TRIM5: variants seen among roughly 807,000 people sequenced by gnomAD.
TRIM5 encodes tripartite motif containing 5, also known as tripartite motif-containing protein 5.
A neutral mutation model predicts 35.6 loss-of-function variants in TRIM5; 31 were observed. That is an observed-to-expected ratio of 0.87 (90% CI 0.65 to 1.18). The LOEUF is 1.18. Among genes scored for constraint, TRIM5 ranks in the 50% most tolerant of loss-of-function variants. TRIM5 has a pLI of 0.00. For synonymous variants in TRIM5, 243 were observed against 215.6 expected (o/e 1.13, Z -1.11); for missense variants, 609 against 591.6 (o/e 1.03, Z -0.31).
intron 6 of TRIM5, 148 bp downstream of exon 6, chr11:5,665,832 TC>T: frequency 7.5e-7 from 1 of 1,331,752 alleles, no homozygotes. Flanking sequence ...CCTAGCCATT[TC>T]CCATTAAATA....
At chr11:5,659,039 A>T (rs921980615), downstream of TRIM5, among the ~76,000 whole-genome samples, 2 of 152,148 alleles carry the variant, frequency 1.3e-5, no homozygotes, top group Non-Finnish European at 2.9e-5. Context: ...TATTAGGAGA[A>T]ATACCTAATG....
At chr11:5,637,140 T>C in the TRIM5 span, among the ~76,000 whole-genome samples, 6 of 150,728 alleles carry the variant, frequency 4.0e-5, no homozygotes, top group Admixed American at 1.3e-4. Context: ...GCCACTGCAC[T>C]CCAGCCTGGG....
At chr11:5,660,431 TATTCTG>T (rs1850774381), downstream of TRIM5, among the ~76,000 whole-genome samples, 1 of 152,196 alleles carries the variant, frequency 6.6e-6, no homozygotes, top group South Asian at 2.1e-4. Context: ...TTACCCTGAA[TATTCTG>T]ATTGCTTGTC....
the TRIM5 span, among the ~76,000 whole-genome samples, chr11:5,631,846 T>C: frequency 6.6e-6 from 1 of 152,158 alleles, no homozygotes; most frequent in Non-Finnish European, 1.5e-5. Context: ...GTGCCTAATC[T>C]ACATGTAGAT....
At chr11:5,642,456 A>C in the TRIM5 span, 1 of 1,613,980 alleles carries the variant, frequency 6.2e-7, no homozygotes, top group South Asian at 1.1e-5. Context: ...AAGAAACTGA[A>C]GACTGTATTC....
the TRIM5 span, among the ~76,000 whole-genome samples, chr11:5,594,333 A>T: frequency 1.8e-4 from 27 of 152,198 alleles, no homozygotes; most frequent in South Asian, 5.2e-3. Flanking sequence ...TTTGAGACTG[A>T]TTATCACTGT....
chr11:5,665,900 G>T, intron 6 of TRIM5, 81 bp downstream of exon 6: 1 of 1,411,790 alleles, frequency 7.1e-7, no homozygotes, highest in Non-Finnish European at 9.7e-7. Flanking sequence ...ATCCATATTT[G>T]GAAACTGCAC....
At chr11:5,679,271 T>C (rs1203467991) in intron 2 of TRIM5, 102 bp from the exon 3 acceptor site, 4 of 1,044,018 alleles carry the variant, frequency 3.8e-6, no homozygotes, top group Non-Finnish European at 5.7e-6. Context: ...AAGAAACAAA[T>C]TTGCAGAAAC....
chr11:5,656,293 T>TA, the TRIM5 span, among the ~76,000 whole-genome samples: 1 of 150,326 alleles, frequency 6.7e-6, no homozygotes, highest in Admixed American at 6.6e-5. Context: ...ACAAAAAACT[T>TA]AAACAAATTT....
chr11:5,623,372 T>C, the TRIM5 span, among the ~76,000 whole-genome samples: 1 of 151,928 alleles, frequency 6.6e-6, no homozygotes, highest in Non-Finnish European at 1.5e-5. Flanking sequence ...TTTATTTTTA[T>C]TTTTTTATTT....
chr11:5,623,371 A>AT, the TRIM5 span, among the ~76,000 whole-genome samples: 1 of 151,520 alleles, frequency 6.6e-6, no homozygotes, highest in South Asian at 2.1e-4. Flanking sequence ...GTTTATTTTT[A>AT]TTTTTTTATT....
chr11:5,680,214 T>TGA lies in TRIM5; in HGVS notation c.-39_-38dup. The TGA allele has an allele frequency of 6.5e-7, 1 of 1,542,434 alleles. No individual in the cohort carries two copies. The highest frequency in any genetic ancestry group is 1.3e-5 in the South Asian group (1 of 79,316). On this transcript the variant is annotated 5_prime_UTR_variant, in exon 2 of 8. Transcript: ENST00000380034. The stretch of plus-strand genomic sequence containing the variant: ...CACTGCTCCTGCCTGTCCTGGCTGC[T>TGA]GAGGTTCCTCTTGTTCACAGATCCC...
the TRIM5 span, among the ~76,000 whole-genome samples, chr11:5,623,091 A>G: frequency 7.2e-6 from 1 of 138,496 alleles, no homozygotes; most frequent in Non-Finnish European, 1.5e-5. Flanking sequence ...GGTGACTTTG[A>G]GTTCTGTCTG....
At chr11:5,642,989 C>A in the TRIM5 span, 1 of 1,362,366 alleles carries the variant, frequency 7.3e-7, no homozygotes, top group South Asian at 1.5e-5. Flanking sequence ...TGTTTTACCC[C>A]TCCAATTCAT....
the TRIM5 span, chr11:5,632,727 C>T: frequency 5.6e-6 from 9 of 1,607,594 alleles, no homozygotes; most frequent in East Asian, 2.2e-5. Flanking sequence ...ACACAGTCCT[C>T]ACGGAGGAAG....
chr11:5,679,647 A>G, intron 2 of TRIM5, 114 bp downstream of exon 2: 1 of 1,187,704 alleles, frequency 8.4e-7, no homozygotes, highest in African/African-American at 1.5e-5. Context: ...CATGAAAAAA[A>G]TAATCCCGGG....
the TRIM5 span, among the ~76,000 whole-genome samples, chr11:5,607,087 C>T: frequency 6.6e-6 from 1 of 151,988 alleles, no homozygotes; most frequent in Admixed American, 6.6e-5. Flanking sequence ...GCCTGTAGTC[C>T]CAGCTACTCG....
At chr11:5,608,283 A>G in the TRIM5 span, 6 of 1,569,442 alleles carry the variant, frequency 3.8e-6, no homozygotes, top group Admixed American at 5.4e-5. Context: ...TATTTGTATC[A>G]TATCATGGGG....
intron 7 of TRIM5, 61 bp downstream of exon 7, chr11:5,665,595 G>A: frequency 6.3e-7 from 1 of 1,584,740 alleles, no homozygotes; most frequent in African/African-American, 1.4e-5. Flanking sequence ...AATTCTAAAA[G>A]ATAAAGATAA....
Sources: gnomAD v4.1 joint callset for allele counts (sites outside exome capture counted in the v4.1 genomes callset) on GRCh38, gnomAD v4.1.1 for gene constraint, MANE v1.5 for transcripts, NCBI Gene and HGNC (gene_info 2026-07-23, HGNC 2026-07-21) for gene names.